The following FRG1 variants were observed in gnomAD, a reference collection of about 807,000 sequenced individuals.
FRG1 encodes FSHD region gene 1.
A neutral mutation model predicts 37.0 loss-of-function variants in FRG1; 19 were observed. The ratio of observed to expected loss-of-function variants is 0.51; its 90% confidence interval spans 0.36 to 0.75. The LOEUF (loss-of-function observed/expected upper bound fraction) is 0.75. Ranked by LOEUF, FRG1 falls within the 30% of genes least tolerant of loss-of-function variation. FRG1 has a pLI of 0.00. For synonymous variants in FRG1, 73 were observed against 96.5 expected (o/e 0.76, Z 1.43); for missense variants, 243 against 301.4 (o/e 0.81, Z 1.44).
At chr4:189,941,663 C>T (rs1327300317) in intron 1 of FRG1, among the ~76,000 whole-genome samples, 1 of 152,178 alleles carries the variant, frequency 6.6e-6, no homozygotes, top group Non-Finnish European at 1.5e-5. Flanking sequence ...CACATTTATA[C>T]TTTCAGACGT....
intron 2 of FRG1, 42 bp downstream of exon 2, chr4:189,943,314 T>C: frequency 6.3e-7 from 1 of 1,578,016 alleles, no homozygotes; most frequent in Non-Finnish European, 8.6e-7. Context: ...AAAGTTAATG[T>C]TTCTTGAGAT....
chr4:189,956,607 T>G (rs1454161178), intron 5 of FRG1, among the ~76,000 whole-genome samples: 5 of 152,218 alleles, frequency 3.3e-5, no homozygotes, highest in Non-Finnish European at 7.3e-5. Context: ...CACCCAGCCC[T>G]TGTGACCTTG....
chr4:189,944,742 C>T (rs1427173033), intron 2 of FRG1, among the ~76,000 whole-genome samples: 1 of 152,066 alleles, frequency 6.6e-6, no homozygotes, highest in Non-Finnish European at 1.5e-5. Flanking sequence ...TTTCTGGACT[C>T]TGTTCTATCG....
chr4:189,951,051 AG>A (rs1406888423), intron 2 of FRG1, among the ~76,000 whole-genome samples: 1 of 152,190 alleles, frequency 6.6e-6, no homozygotes, highest in Non-Finnish European at 1.5e-5. Flanking sequence ...AGGAGGTTTG[AG>A]GATATTTTTT....
In FRG1 at chr4:189,943,264, A is replaced by T. The variant is rs535873939; in HGVS notation, c.125A>T (p.Asp42Val). 6.2e-7 allele frequency: 1 copy of T among 1,608,170 alleles called. No homozygotes were observed. Among genetic ancestry groups the T allele is most frequent in the African/African-American group, 1.3e-5 (1 of 74,702 alleles). Residue 42 changes from aspartate (D) to valine (V), a missense_variant, in exon 2 of 9, where the codon GAT (aspartate) becomes GTT (valine). Asp to Val is a radical substitution (Grantham distance 152). Around this residue, in one of 2 missense-constraint regions of FRG1, gnomAD observed 110 missense variants for 102.2 expected, o/e 1.08. Transcript: ENST00000226798. ...KREEDEETQL[D>V]IVGIWWTVTN... The stretch of plus-strand genomic sequence containing the variant: ...GAAGAAGATGAAGAAACCCAGCTTG[A>T]TATTGTTGGTGAGTCAGTTTTCAGT...
intron 2 of FRG1, among the ~76,000 whole-genome samples, chr4:189,950,681 A>G (rs972379798): frequency 1.3e-5 from 2 of 152,200 alleles, no homozygotes; most frequent in African/African-American, 4.8e-5. Context: ...CCTTTTTATT[A>G]TGGAAATATC....
At chr4:189,944,232 A>G (rs955852547) in intron 2 of FRG1, among the ~76,000 whole-genome samples, 1 of 152,100 alleles carries the variant, frequency 6.6e-6, no homozygotes, top group Admixed American at 6.5e-5. Flanking sequence ...GCTGGAATGC[A>G]GTGATGCGAT....
At position 189,952,212 on chromosome 4, in the gene FRG1, A is replaced by G. The variant is rs200504744; in HGVS notation, c.184A>G (p.Ile62Val). The G allele has an allele frequency of 1.2e-5, 19 of 1,605,342 alleles. No individual in the cohort carries two copies. Among genetic ancestry groups the G allele is most frequent in the Admixed American group, 1.7e-5 (1 of 59,804 alleles). The change falls in exon 3 of 9, where the codon ATT becomes GTT. Residue 62 changes from isoleucine (I) to valine (V), a missense_variant. This residue lies in a region of FRG1 where 110 missense variants were observed against 102.2 expected (regional missense o/e 1.08). Coordinates refer to ENST00000226798, the MANE Select transcript of FRG1 (RefSeq NM_004477.3). ...NFGEISGTIA[I>V]EMDKGTYIHA... ...TGGTGAAATTTCAGGAACCATAGCC[A>G]TTGAAATGGATAAGGGAACCTATAT...
chr4:189,953,187 A>T, intron 4 of FRG1, 62 bp downstream of exon 4: 1 of 1,493,058 alleles, frequency 6.7e-7, no homozygotes, highest in Non-Finnish European at 8.9e-7. Context: ...TGTATTCATT[A>T]AAAATTTTAG....
chr4:189,943,132 T>C, intron 1 of FRG1, 70 bp from the exon 2 acceptor site: 5 of 1,451,548 alleles, frequency 3.4e-6, no homozygotes, highest in Non-Finnish European at 4.7e-6. Context: ...GACTTTCAAG[T>C]TTCAATCTTA....
At chr4:189,960,860 A>G (rs1737199336) in intron 7 of FRG1, 21 bp downstream of exon 7, 8 of 1,602,686 alleles carry the variant, frequency 5.0e-6, no homozygotes, top group Non-Finnish European at 6.8e-6. Context: ...TTTTCCTTTT[A>G]GACCTACAGA....
chr4:189,958,299 A>G (rs1449696726), intron 6 of FRG1, among the ~76,000 whole-genome samples: 1 of 152,146 alleles, frequency 6.6e-6, no homozygotes. Context: ...GTGCGGGTGG[A>G]CCTGAAGGTA....
At chr4:189,948,249 G>T (rs1244660993) in intron 2 of FRG1, among the ~76,000 whole-genome samples, 3 of 152,288 alleles carry the variant, frequency 2.0e-5, no homozygotes, top group African/African-American at 4.8e-5. Flanking sequence ...GAAGGGATTG[G>T]TAAATAGGAT....
intron 1 of FRG1, among the ~76,000 whole-genome samples, chr4:189,942,435 C>A (rs78475143): frequency 6.6e-6 from 1 of 152,156 alleles, no homozygotes; most frequent in African/African-American, 2.4e-5. Context: ...TATGTGAAAT[C>A]GCCTATTCTG....
chr4:189,943,225 A>G lies in FRG1; in HGVS notation c.86A>G (p.Lys29Arg), dbSNP rs777890975. 14 of 1,605,328 alleles carry G rather than the reference A, an allele frequency of 8.7e-6. No homozygotes were observed. The South Asian group carries it at 1.6e-4, about 18-fold the overall frequency. The change falls in exon 2 of 9, where the codon AAG becomes AGG. Residue 29 changes from lysine (K) to arginine (R), a missense_variant. By Grantham distance (26) the Lys-to-Arg change is conservative. Around this residue, in one of 2 missense-constraint regions of FRG1, gnomAD observed 110 missense variants for 102.2 expected, o/e 1.08. Transcript: ENST00000226798. ...TKSKKKKSKD[K>R]KRKREEDEET... ...AGTAAGAAGAAAAAGAGCAAAGATA[A>G]GAAAAGAAAAAGAGAAGAAGATGAA...
At chr4:189,955,854 C>T (rs574995560) in intron 5 of FRG1, among the ~76,000 whole-genome samples, 109 of 152,136 alleles carry the variant, frequency 7.2e-4, no homozygotes, top group South Asian at 2.1e-4. Flanking sequence ...ATGGGCACCA[C>T]GCAGAGCAAG....
At chr4:189,954,929 G>A (rs1452166852) in intron 4 of FRG1, 108 bp from the exon 5 acceptor site, 1 of 652,254 alleles carries the variant, frequency 1.5e-6, no homozygotes, top group Non-Finnish European at 2.7e-6. Context: ...TGTGCAGTCT[G>A]AAATTTTAGA....
chr4:189,957,716 T>C (rs1441920597), intron 6 of FRG1, among the ~76,000 whole-genome samples: 1 of 152,224 alleles, frequency 6.6e-6, no homozygotes. Flanking sequence ...ATCTAGGAGC[T>C]ACCTTGCCAT....
chr4:189,951,822 G>T (rs1736766480), intron 2 of FRG1, among the ~76,000 whole-genome samples: 1 of 152,074 alleles, frequency 6.6e-6, no homozygotes, highest in Admixed American at 6.5e-5. Flanking sequence ...GCACCCCCAT[G>T]CCTGGCTGTA....
Sources: gnomAD v4.1 joint callset for allele counts (sites outside exome capture counted in the v4.1 genomes callset) on GRCh38, gnomAD v4.1.1 for gene constraint, gnomAD v4.1.1 regional missense constraint, MANE v1.5 for transcripts, NCBI Gene and HGNC (gene_info 2026-07-23, HGNC 2026-07-21) for gene names.